KLF12: variants seen among roughly 807,000 people sequenced by gnomAD.
The protein encoded by KLF12 is Krueppel-like factor 12.
In KLF12, 9 loss-of-function variants were observed where a neutral mutation model predicts 37.8. That is an observed-to-expected ratio of 0.24 (90% CI 0.14 to 0.42). KLF12 has a LOEUF of 0.42. Ranked by LOEUF, KLF12 falls within the 10% of genes least tolerant of loss-of-function variation. The probability of loss-of-function intolerance (pLI) is 1.00; values close to 1 mark genes in which losing one functional copy is unlikely to be tolerated. For synonymous variants in KLF12, 208 were observed against 202.1 expected (o/e 1.03, Z -0.25); for missense variants, 411 against 516.0 (o/e 0.80, Z 1.97).
intron 5 of KLF12, among the ~76,000 whole-genome samples, chr13:73,784,109 A>T (rs1251212175): frequency 6.6e-6 from 1 of 151,832 alleles, no homozygotes; most frequent in Non-Finnish European, 1.5e-5. Flanking sequence ...TACAGAACAG[A>T]CTCCCTTTAA....
Position 73,764,984 on chromosome 13 carries a change from C to T in KLF12, c.823G>A (p.Val275Ile). 1 of 1,574,174 alleles carries T rather than the reference C, an allele frequency of 6.4e-7. No individual in the cohort carries two copies. The highest frequency in any genetic ancestry group is 8.7e-7 in the Non-Finnish European group (1 of 1,144,278). ...ATTCGATTGCCCCGGACCCTTGATA[C>T]TGGGGACGGATGTACCCTGTAGACA... Residue 275 changes from valine to isoleucine, a missense_variant, in exon 6 of 8, where the codon GTA (valine) becomes ATA (isoleucine). Transcript: ENST00000377669.
At chr13:73,746,750 T>C (rs1878395799) in intron 6 of KLF12, among the ~76,000 whole-genome samples, 1 of 151,806 alleles carries the variant, frequency 6.6e-6, no homozygotes, top group African/African-American at 2.4e-5. Flanking sequence ...GATTTAATTA[T>C]GGAGTTGAAA....
chr13:73,736,720 G>C (rs970704240), intron 6 of KLF12, among the ~76,000 whole-genome samples: 1 of 152,152 alleles, frequency 6.6e-6, no homozygotes, highest in African/African-American at 2.4e-5. Context: ...TCCATGCAGG[G>C]TTAATGGGGT....
chr13:73,922,740 T>C (rs141094451), intron 3 of KLF12, among the ~76,000 whole-genome samples: 27 of 152,308 alleles, frequency 1.8e-4, no homozygotes, highest in African/African-American at 6.3e-4. Flanking sequence ...GTCCTAGGTA[T>C]TGTGCAAGGC....
At chr13:74,265,500 T>C in the KLF12 span, among the ~76,000 whole-genome samples, 2 of 152,190 alleles carry the variant, frequency 1.3e-5, no homozygotes, top group Non-Finnish European at 2.9e-5. Flanking sequence ...CGTTTTCTGG[T>C]GTAAATATAT....
intron 5 of KLF12, among the ~76,000 whole-genome samples, chr13:73,795,520 T>C (rs919844041): frequency 1.3e-5 from 2 of 152,202 alleles, no homozygotes; most frequent in South Asian, 2.1e-4. Context: ...TATAGAACAA[T>C]GCAAACGCAT....
In KLF12 at chr13:73,765,016, A is replaced by C. The variant is rs1879817566; in HGVS notation, c.807-16T>G. The C allele has an allele frequency of 6.9e-7, 1 of 1,458,114 alleles. No individual in the cohort carries two copies. Among genetic ancestry groups the C allele is most frequent in the Admixed American group, 2.0e-5 (1 of 49,510 alleles). 90.3% of individuals were successfully genotyped at this position (1,458,114 alleles called of 1,614,324 possible). A position where few individuals can be genotyped will look rare whatever the true frequency, so the allele number is the denominator to read the frequency against. On this transcript the variant is annotated splice_polypyrimidine_tract_variant and intron_variant, in intron 5 of 7. Coordinates refer to ENST00000377669, the MANE Select transcript of KLF12 (RefSeq NM_007249.5). ...CGGATGTACCCTGTAGACAGAGAAG[A>C]ATAATCCAGTCATTGAAAAAGCATA...
chr13:74,136,401 C>A (rs996545991), upstream of KLF12, among the ~76,000 whole-genome samples: 3 of 152,224 alleles, frequency 2.0e-5, no homozygotes, highest in Non-Finnish European at 2.9e-5. Context: ...ATATCAACAA[C>A]TGCGCAGGAT....
At chr13:73,971,722 T>G (rs1359851313) in intron 2 of KLF12, among the ~76,000 whole-genome samples, 1 of 152,204 alleles carries the variant, frequency 6.6e-6, no homozygotes, top group Non-Finnish European at 1.5e-5. Context: ...AATGGTGATA[T>G]GAACTATGAA....
the KLF12 span, among the ~76,000 whole-genome samples, chr13:74,221,295 C>T: frequency 7.9e-5 from 12 of 152,128 alleles, no homozygotes; most frequent in Admixed American, 4.6e-4. Flanking sequence ...CGTGAGCCAC[C>T]GCGCCCAGCC....
chr13:74,195,331 T>G, the KLF12 span, among the ~76,000 whole-genome samples: 2 of 152,146 alleles, frequency 1.3e-5, no homozygotes, highest in Non-Finnish European at 2.9e-5. Flanking sequence ...CAGGAAAATA[T>G]TGAAATCACA....
At chr13:73,812,367 T>C (rs1190046250) in intron 5 of KLF12, among the ~76,000 whole-genome samples, 1 of 133,058 alleles carries the variant, frequency 7.5e-6, no homozygotes, top group Non-Finnish European at 1.6e-5. Flanking sequence ...TCTAGGAGTG[T>C]AGAACTTATG....
chr13:74,067,980 C>T (rs1303901044), intron 1 of KLF12, among the ~76,000 whole-genome samples: 1 of 152,154 alleles, frequency 6.6e-6, no homozygotes, highest in Admixed American at 6.5e-5. Context: ...ACCAACTGTC[C>T]AGATTAACCA....
chr13:74,230,267 G>A, the KLF12 span, among the ~76,000 whole-genome samples: 7 of 152,100 alleles, frequency 4.6e-5, no homozygotes, highest in South Asian at 2.1e-4. Context: ...CTGCTGCCAC[G>A]TGAAGAAGGA....
chr13:74,252,894 A>G, the KLF12 span, among the ~76,000 whole-genome samples: 1 of 152,196 alleles, frequency 6.6e-6, no homozygotes, highest in Non-Finnish European at 1.5e-5. Context: ...GCAAAAAACT[A>G]GAAATATCCG....
At chr13:73,851,962 C>T (rs189161392) in intron 3 of KLF12, among the ~76,000 whole-genome samples, 2 of 152,082 alleles carry the variant, frequency 1.3e-5, no homozygotes, top group African/African-American at 4.8e-5. Context: ...TTAGTAAATA[C>T]AATTTTTTAT....
At chr13:73,710,930 A>G (rs1437328199) in intron 7 of KLF12, among the ~76,000 whole-genome samples, 2 of 152,242 alleles carry the variant, frequency 1.3e-5, no homozygotes, top group African/African-American at 4.8e-5. Context: ...AGCAAAGGAA[A>G]AGTTCCAGAA....
chr13:74,043,479 C>G (rs1893462959), intron 1 of KLF12, among the ~76,000 whole-genome samples: 2 of 151,756 alleles, frequency 1.3e-5, no homozygotes, highest in South Asian at 2.1e-4. Context: ...GTGCATGTTT[C>G]TGTGTGTGTG....
At chr13:73,767,634 G>A (rs993340269) in intron 5 of KLF12, among the ~76,000 whole-genome samples, 58 of 152,332 alleles carry the variant, frequency 3.8e-4, no homozygotes, top group Middle Eastern at 3.4e-3. Context: ...TTAGGGCCAT[G>A]TGTACCAACT....
Sources: gnomAD v4.1 joint callset for allele counts (sites outside exome capture counted in the v4.1 genomes callset) on GRCh38, gnomAD v4.1.1 for gene constraint, MANE v1.5 for transcripts, NCBI Gene and HGNC (gene_info 2026-07-23, HGNC 2026-07-21) for gene names.